The following TDRD7 variants were observed in gnomAD, a reference collection of about 807,000 sequenced individuals.
TDRD7 encodes the protein tudor domain containing 7.
In TDRD7, 47 loss-of-function variants were observed where a neutral mutation model predicts 109.8. The observed-to-expected ratio is 0.43, with a 90% CI of 0.34 to 0.55. The LOEUF (loss-of-function observed/expected upper bound fraction) is 0.55, where lower values mean the gene tolerates loss of function less well. TDRD7 is among the 20% of genes least tolerant of loss of function. The pLI, the probability that TDRD7 is intolerant of heterozygous loss-of-function variation, is 0.03. For missense variants in TDRD7, 1,164 were observed against 1,319.2 expected, an observed-to-expected ratio of 0.88 and a Z score of 1.82; for synonymous variants, 424 against 457.3, an observed-to-expected ratio of 0.93 and a Z score of 0.93.
chr9:97,415,764 G>A (rs879730582), intron 1 of TDRD7, among the ~76,000 whole-genome samples: 76 of 152,210 alleles, frequency 5.0e-4, no homozygotes, highest in Non-Finnish European at 8.2e-4. Context: ...CTGCACTCCA[G>A]TTGAAATTCC....
At position 97,460,472 on chromosome 9, in the gene TDRD7, C is replaced by G. The variant is rs1481808631; in HGVS notation, c.1150C>G (p.Leu384Val). 6.2e-7 allele frequency: 1 copy of G among 1,614,214 alleles called. No homozygotes were observed. The highest frequency in any genetic ancestry group is 1.1e-5 in the South Asian group (1 of 91,090). Residue 384 changes from leucine (L) to valine (V), a missense_variant, in exon 7 of 17, where the codon CTT (leucine) becomes GTT (valine). Leu to Val is a conservative substitution (Grantham distance 32, BLOSUM62 1). Around this residue, in one of 5 missense-constraint regions of TDRD7, gnomAD observed 407 missense variants for 394.0 expected, o/e 1.03. Coordinates refer to ENST00000355295, the MANE Select transcript of TDRD7 (RefSeq NM_014290.3). ...GGATGCCTTAAAAAATCTTGCCTCA[C>G]TTTCTGATGTATGCAGCATAGACTA... ...PEDALKNLAS[L>V]SDVCSIDYIS...
chr9:97,422,803 C>T (rs1827921427), intron 1 of TDRD7, among the ~76,000 whole-genome samples: 1 of 151,850 alleles, frequency 6.6e-6, no homozygotes, highest in South Asian at 2.1e-4. Flanking sequence ...TGTTTAATTT[C>T]CTTTAATCTG....
At chr9:97,450,221 C>T (rs918787117) in intron 6 of TDRD7, among the ~76,000 whole-genome samples, 1 of 152,024 alleles carries the variant, frequency 6.6e-6, no homozygotes, top group African/African-American at 2.4e-5. Context: ...AGTTCCCAGT[C>T]GTTGGACTGA....
intron 16 of TDRD7, among the ~76,000 whole-genome samples, chr9:97,490,507 A>AT (rs1312846618): frequency 1.6e-5 from 2 of 123,338 alleles, no homozygotes; most frequent in Non-Finnish European, 3.3e-5. Flanking sequence ...TTCATCTTTG[A>AT]TTTTCTAAAG....
intron 5 of TDRD7, 64 bp from the exon 6 acceptor site, chr9:97,441,594 G>C (rs1828305604): frequency 7.2e-7 from 1 of 1,390,888 alleles, no homozygotes; most frequent in African/African-American, 1.4e-5. Flanking sequence ...GCAAATATTA[G>C]GTAATGGGGA....
At chr9:97,471,090 G>T (rs1184827468) in intron 9 of TDRD7, among the ~76,000 whole-genome samples, 1 of 152,112 alleles carries the variant, frequency 6.6e-6, no homozygotes, top group African/African-American at 2.4e-5. Flanking sequence ...ATGTGCCCAA[G>T]CATGGGTTTG....
intron 1 of TDRD7, among the ~76,000 whole-genome samples, chr9:97,413,511 A>C (rs1010225471): frequency 6.6e-6 from 1 of 152,234 alleles, no homozygotes; most frequent in Admixed American, 6.5e-5. Flanking sequence ...CAAACGGTCC[A>C]TGTTTTACAT....
intron 8 of TDRD7, among the ~76,000 whole-genome samples, chr9:97,467,516 T>C (rs1466029712): frequency 1.3e-5 from 2 of 152,244 alleles, no homozygotes; most frequent in African/African-American, 4.8e-5. Flanking sequence ...GATACACTTT[T>C]TCACTTTTTA....
At chr9:97,494,266 C>T (rs368899654) in intron 16 of TDRD7, among the ~76,000 whole-genome samples, 3 of 152,128 alleles carry the variant, frequency 2.0e-5, no homozygotes, top group African/African-American at 4.8e-5. Context: ...TGGCTTCAGC[C>T]GGTCCCTCCA....
At position 97,495,822 on chromosome 9, in the gene TDRD7, C is replaced by G; in HGVS notation, c.3236C>G (p.Thr1079Ser). ...TTAGTGGACACATCGTTGCCAGACA[C>G]CGATACCTGGATTCATGATTTTATG... ...VYLVDTSLPD[T>S]DTWIHDFMSE... The change falls in exon 17 of 17, where the codon ACC becomes AGC. Residue 1079 changes from threonine (T) to serine (S), a missense_variant. By Grantham distance (58) the Thr-to-Ser change is moderately conservative. Transcript: ENST00000355295. The G allele has an allele frequency of 6.2e-7, 1 of 1,614,140 alleles. No homozygotes were observed. The highest frequency in any genetic ancestry group is 2.2e-5 in the East Asian group (1 of 44,878).
At chr9:97,455,716 CATATT>C in intron 6 of TDRD7, among the ~76,000 whole-genome samples, 1 of 152,160 alleles carries the variant, frequency 6.6e-6, no homozygotes, top group Non-Finnish European at 1.5e-5. Context: ...CAGCCAATAT[CATATT>C]GAATGTGCAA....
chr9:97,418,357 A>G (rs1242109328), intron 1 of TDRD7, among the ~76,000 whole-genome samples: 3 of 152,176 alleles, frequency 2.0e-5, no homozygotes, highest in East Asian at 3.8e-4. Context: ...GTCTCGGGGC[A>G]AAGGATAGAA....
At chr9:97,443,805 C>T (rs575623493) in intron 6 of TDRD7, among the ~76,000 whole-genome samples, 5 of 152,256 alleles carry the variant, frequency 3.3e-5, no homozygotes, top group Non-Finnish European at 5.9e-5. Context: ...TTCTGTAAAA[C>T]TTAGAGCATT....
At position 97,432,214 on chromosome 9, in the gene TDRD7, A is replaced by G. The variant is rs376237605; in HGVS notation, c.539A>G (p.His180Arg). Residue 180 changes from histidine (H) to arginine (R), a missense_variant, in exon 4 of 17, where the codon CAT becomes CGT. His to Arg is a conservative substitution (Grantham distance 29). Transcript: ENST00000355295. Reference sequence around the variant, plus strand: ...TTCAAAGACATTCCAGTGCAAAGGCATGTGACCATGTCCACCAACAACAGG... The same window carrying G: ...TTCAAAGACATTCCAGTGCAAAGGCGTGTGACCATGTCCACCAACAACAGG... The part of the protein sequence containing the change: ...EAFKDIPVQR[H>R]VTMSTNNRFS... 16 of 1,613,762 alleles carry G rather than the reference A, an allele frequency of 9.9e-6. No individual in the cohort carries two copies. Among genetic ancestry groups the G allele is most frequent in the Non-Finnish European group, 1.4e-5 (16 of 1,179,724 alleles).
intron 4 of TDRD7, among the ~76,000 whole-genome samples, chr9:97,438,488 G>A (rs1828241918): frequency 6.6e-6 from 1 of 152,058 alleles, no homozygotes; most frequent in African/African-American, 2.4e-5. Flanking sequence ...ATATTCATTT[G>A]CCTTGCATGT....
At chr9:97,446,885 G>A (rs1033606735) in intron 6 of TDRD7, among the ~76,000 whole-genome samples, 1 of 152,124 alleles carries the variant, frequency 6.6e-6, no homozygotes, top group Non-Finnish European at 1.5e-5. Flanking sequence ...AACAGCAATC[G>A]ATATCCTCAG....
chr9:97,432,334 T>A, intron 4 of TDRD7, 96 bp downstream of exon 4: 3 of 1,129,418 alleles, frequency 2.7e-6, no homozygotes, highest in Non-Finnish European at 4.0e-6. Flanking sequence ...TTCTATTTTA[T>A]CTAAGTTCAC....
Position 97,473,756 on chromosome 9 carries a change from T to C in TDRD7, c.2079+130T>C, listed in dbSNP as rs1828962724. 4.2e-6 allele frequency: 5 copies of C among 1,183,756 alleles called. No individual in the cohort carries two copies. The African/African-American group carries it at 4.6e-5, about 11-fold the overall frequency. 73.3% of individuals were successfully genotyped at this position (1,183,756 alleles called of 1,614,324 possible). A position where few individuals can be genotyped will look rare whatever the true frequency, so the allele number is the denominator to read the frequency against. ...TTTTAGTAGTCTGAAATGGAATCTCTAGAATAGTAGGTAAAGAGCTCCAGA... is the reference window on the plus strand; with the variant it reads ...TTTTAGTAGTCTGAAATGGAATCTCCAGAATAGTAGGTAAAGAGCTCCAGA... On this transcript the variant is annotated intron_variant, in intron 11 of 16. Coordinates refer to ENST00000355295, the MANE Select transcript of TDRD7 (RefSeq NM_014290.3).
At chr9:97,482,267 C>T (rs897392857) in intron 14 of TDRD7, among the ~76,000 whole-genome samples, 11 of 152,144 alleles carry the variant, frequency 7.2e-5, no homozygotes, top group South Asian at 2.1e-4. Context: ...TCCCTCTCCT[C>T]CCATGTAATT....
Sources: allele counts gnomAD v4.1 joint callset (sites outside exome capture counted in the v4.1 genomes callset), GRCh38; gene constraint gnomAD v4.1.1; regional missense constraint gnomAD v4.1.1; transcripts MANE v1.5; gene names NCBI Gene and HGNC (gene_info 2026-07-23, HGNC 2026-07-21).